The following LNX1 variants were observed in gnomAD, a reference collection of about 807,000 sequenced individuals.
The protein encoded by LNX1 is E3 ubiquitin-protein ligase LNX.
In LNX1, 54 loss-of-function variants were observed where a neutral mutation model predicts 68.4. The ratio of observed to expected loss-of-function variants is 0.79; its 90% CI spans 0.63 to 0.99. The LOEUF is 0.99. Ranked by LOEUF, LNX1 falls within the 50% of genes least tolerant of loss-of-function variation. LNX1 has a pLI of 0.00. For missense variants in LNX1, 906 were observed against 926.4 expected (o/e 0.98, Z 0.29); for synonymous variants, 336 against 350.0 (o/e 0.96, Z 0.45).
At chr4:53,640,758 G>T (rs577049915) in intron 1 of LNX1, among the ~76,000 whole-genome samples, 2 of 152,308 alleles carry the variant, frequency 1.3e-5, no homozygotes, top group South Asian at 2.1e-4. Flanking sequence ...ACTTAGGTCT[G>T]GAGGGCCTTT....
At chr4:53,551,960 G>A (rs1729545471) in intron 2 of LNX1, among the ~76,000 whole-genome samples, 2 of 152,178 alleles carry the variant, frequency 1.3e-5, no homozygotes, top group Admixed American at 6.5e-5. Flanking sequence ...TTTAATCTCT[G>A]GAGTACAAAA....
chr4:53,515,949 G>A (rs1332093951), intron 2 of LNX1, among the ~76,000 whole-genome samples: 3 of 152,154 alleles, frequency 2.0e-5, no homozygotes, highest in Non-Finnish European at 2.9e-5. Context: ...TTACCATGAG[G>A]TTTAAAGATT....
At chr4:53,630,899 G>T (rs142387120) in intron 1 of LNX1, among the ~76,000 whole-genome samples, 1 of 152,318 alleles carries the variant, frequency 6.6e-6, no homozygotes, top group East Asian at 1.9e-4. Flanking sequence ...TCAGCTTTTA[G>T]AATTTGGGAA....
chr4:53,608,431 CA>C (rs1223659064), intron 2 of LNX1, among the ~76,000 whole-genome samples: 1 of 152,108 alleles, frequency 6.6e-6, no homozygotes, highest in African/African-American at 2.4e-5. Flanking sequence ...TCACACCAGT[CA>C]GAATGGCTAT....
intron 1 of LNX1, among the ~76,000 whole-genome samples, chr4:53,635,929 T>C (rs1262756164): frequency 2.0e-5 from 3 of 152,184 alleles, no homozygotes; most frequent in African/African-American, 7.2e-5. Context: ...GTGCATAAAA[T>C]AGCAGTGTGG....
chr4:53,489,399 A>C (rs1724535691), intron 6 of LNX1, among the ~76,000 whole-genome samples: 1 of 152,186 alleles, frequency 6.6e-6, no homozygotes, highest in Admixed American at 6.5e-5. Flanking sequence ...ATGGTGACTT[A>C]TATGGGGTCA....
intron 2 of LNX1, among the ~76,000 whole-genome samples, chr4:53,545,806 T>G (rs1729075188): frequency 2.0e-5 from 2 of 97,690 alleles, no homozygotes; most frequent in African/African-American, 6.9e-5. Flanking sequence ...GGCCACATTT[T>G]TTTTTTTTTT....
chr4:53,560,403 C>T (rs1478400767), intron 2 of LNX1, among the ~76,000 whole-genome samples: 1 of 152,094 alleles, frequency 6.6e-6, no homozygotes, highest in African/African-American at 2.4e-5. Context: ...TTTTATGTTG[C>T]TATTGCAACC....
intron 1 of LNX1, among the ~76,000 whole-genome samples, chr4:53,624,191 C>T (rs960859975): frequency 6.6e-6 from 1 of 152,102 alleles, no homozygotes; most frequent in African/African-American, 2.4e-5. Flanking sequence ...TATACCTTTC[C>T]AATCATTAGC....
intron 9 of LNX1, 21 bp downstream of exon 9, chr4:53,476,732 G>A (rs781247325): frequency 2.5e-6 from 4 of 1,596,726 alleles, no homozygotes; most frequent in African/African-American, 1.3e-5. Context: ...GCCCCTACAG[G>A]GATGTTGTGT....
At chr4:53,461,641 T>G (rs762261458) in intron 9 of LNX1, 48 bp from the exon 10 acceptor site, 1 of 1,426,470 alleles carries the variant, frequency 7.0e-7, no homozygotes, top group Non-Finnish European at 9.7e-7. Context: ...GTTTCACAGT[T>G]AAGGGAATAC....
intron 2 of LNX1, among the ~76,000 whole-genome samples, chr4:53,548,659 C>A (rs528781445): frequency 1.8e-4 from 28 of 152,292 alleles, no homozygotes; most frequent in African/African-American, 6.5e-4. Context: ...TCCCACCCAG[C>A]AATCCCATTA....
At chr4:53,608,590 G>A (rs898746113) in intron 2 of LNX1, among the ~76,000 whole-genome samples, 6 of 152,044 alleles carry the variant, frequency 3.9e-5, no homozygotes, top group African/African-American at 1.4e-4. Context: ...ATTACCATTC[G>A]ACCCAACAAT....
At chr4:53,516,921 G>A (rs1455704143) in intron 2 of LNX1, among the ~76,000 whole-genome samples, 1 of 151,440 alleles carries the variant, frequency 6.6e-6, no homozygotes, top group African/African-American at 2.4e-5. Flanking sequence ...TCAGCTCCTT[G>A]CAGAGACTCC....
intron 1 of LNX1, among the ~76,000 whole-genome samples, chr4:53,642,814 C>T (rs1301918552): frequency 2.6e-5 from 4 of 152,132 alleles, no homozygotes; most frequent in Admixed American, 1.3e-4. Context: ...TGAGAGGGGT[C>T]GCTCCACTTG....
chr4:53,632,529 T>C (rs899496703), intron 1 of LNX1, among the ~76,000 whole-genome samples: 1 of 152,212 alleles, frequency 6.6e-6, no homozygotes, highest in Non-Finnish European at 1.5e-5. Context: ...CTTTGCCTCA[T>C]GGCAGGATGA....
At chr4:53,622,712 A>G (rs1733929128) in intron 1 of LNX1, among the ~76,000 whole-genome samples, 2 of 152,232 alleles carry the variant, frequency 1.3e-5, no homozygotes, top group Non-Finnish European at 2.9e-5. Context: ...GAGAAAAACA[A>G]GATAGCCCTA....
chr4:53,584,152 CTGT>C (rs1379596904), intron 1 of LNX1, among the ~76,000 whole-genome samples: 2 of 151,706 alleles, frequency 1.3e-5, no homozygotes, highest in Admixed American at 1.3e-4. Flanking sequence ...GGTTTTTTTT[CTGT>C]TGTTGTTGTT....
At position 53,498,565 on chromosome 4, in the gene LNX1, A is replaced by G; in HGVS notation, c.978+76T>C. On this transcript the variant is annotated intron_variant, in intron 5 of 10. Coordinates refer to ENST00000263925, the MANE Select transcript of LNX1 (RefSeq NM_001126328.3). ...TACCATTTCCCTCATTCATCCATCC[A>G]TCTATCCAATTGTTTGCTCAGAAGC... The G allele has an allele frequency of 1.1e-5, 11 of 990,434 alleles. No homozygotes were observed. In the South Asian group the frequency reaches 1.3e-4, roughly 12 times the overall value. The allele number at this position is 990,434 out of a possible 1,614,324, so 61.4% of individuals were successfully genotyped here.
Sources: allele counts gnomAD v4.1 joint callset (sites outside exome capture counted in the v4.1 genomes callset), GRCh38; gene constraint gnomAD v4.1.1; transcripts MANE v1.5; gene names NCBI Gene and HGNC (gene_info 2026-07-23, HGNC 2026-07-21).